Variants in ADCYAP1R1 observed in about 807,000 individuals in gnomAD.
ADCYAP1R1 encodes ADCYAP receptor type I.
ADCYAP1R1 carries 44 observed loss-of-function variants against 67.6 expected under a neutral mutation model. The ratio of observed to expected loss-of-function variants is 0.65; its 90% CI spans 0.51 to 0.84. The LOEUF is 0.84. ADCYAP1R1 is among the 40% of genes least tolerant of loss of function. The pLI, the probability that ADCYAP1R1 is intolerant of heterozygous loss-of-function variation, is 0.00. For synonymous variants in ADCYAP1R1, 222 were observed against 219.6 expected (o/e 1.01, Z -0.10); for missense variants, 477 against 587.9 (o/e 0.81, Z 1.95).
At chr7:31,067,199 C>T (rs537354740) in intron 3 of ADCYAP1R1, among the ~76,000 whole-genome samples, 6 of 152,296 alleles carry the variant, frequency 3.9e-5, no homozygotes, top group African/African-American at 1.4e-4. Flanking sequence ...GAGGAGGCTG[C>T]ACCCTCTCAC....
chr7:31,078,032 G>A lies in ADCYAP1R1; in HGVS notation c.199G>A (p.Ala67Thr), dbSNP rs140775607. ...MWDNITCWKP[A>T]HVGEMVLVSC... Reference sequence around the variant, plus strand: ...GGACAACATCACGTGTTGGAAGCCCGCCCATGTGGGTGAGATGGTCCTGGT... The same window carrying A: ...GGACAACATCACGTGTTGGAAGCCCACCCATGTGGGTGAGATGGTCCTGGT... Residue 67 changes from alanine (A) to threonine (T), a missense_variant, in exon 4 of 16, where the codon GCC (alanine) becomes ACC (threonine). Transcript: ENST00000304166. 206 of 1,613,112 alleles carry A rather than the reference G, an allele frequency of 1.3e-4. No homozygotes were observed. The highest frequency in any genetic ancestry group is 1.5e-4 in the Non-Finnish European group (181 of 1,179,458).
chr7:31,071,558 C>G (rs554448972), intron 3 of ADCYAP1R1, among the ~76,000 whole-genome samples: 12 of 152,198 alleles, frequency 7.9e-5, no homozygotes, highest in Non-Finnish European at 1.8e-4. Context: ...CGGCCATCTC[C>G]TCCCTGAAAC....
At chr7:31,103,128 C>T (rs1796502972) in intron 13 of ADCYAP1R1, 109 bp from the exon 14 acceptor site, 2 of 1,474,454 alleles carry the variant, frequency 1.4e-6, no homozygotes, top group Non-Finnish European at 1.8e-6. Flanking sequence ...GGACACGGGC[C>T]CCAGCTTGGA....
At chr7:31,058,341 G>T (rs1299360918) in intron 1 of ADCYAP1R1, among the ~76,000 whole-genome samples, 2 of 152,220 alleles carry the variant, frequency 1.3e-5, no homozygotes, top group Admixed American at 1.3e-4. Flanking sequence ...TCCTGTGTGT[G>T]CAGGGGCCAC....
chr7:31,101,712 G>A (rs1489019324), intron 13 of ADCYAP1R1, among the ~76,000 whole-genome samples: 2 of 152,212 alleles, frequency 1.3e-5, no homozygotes, highest in Admixed American at 6.5e-5. Flanking sequence ...AAGTAGGCCT[G>A]TGTGCCACAT....
chr7:31,093,822 G>A (rs1320333156), intron 13 of ADCYAP1R1, among the ~76,000 whole-genome samples: 3 of 152,146 alleles, frequency 2.0e-5, no homozygotes, highest in South Asian at 2.1e-4. Flanking sequence ...TGGCTGCCCA[G>A]TAGATGACAA....
chr7:31,060,712 GAGAA>G (rs1466499045), intron 1 of ADCYAP1R1, among the ~76,000 whole-genome samples: 3 of 152,052 alleles, frequency 2.0e-5, no homozygotes, highest in African/African-American at 4.8e-5. Context: ...GAGAGAGAGA[GAGAA>G]AGAGAGAGAA....
intron 11 of ADCYAP1R1, 31 bp from the exon 12 acceptor site, chr7:31,087,596 G>T: frequency 6.2e-7 from 1 of 1,608,872 alleles, no homozygotes; most frequent in Non-Finnish European, 8.5e-7. Flanking sequence ...ACTCACAGAC[G>T]TGATCTTGCT....
chr7:31,087,070 C>A, intron 11 of ADCYAP1R1, 67 bp downstream of exon 11: 1 of 1,552,168 alleles, frequency 6.4e-7, no homozygotes, highest in Non-Finnish European at 8.9e-7. Flanking sequence ...TTCTCAGTAG[C>A]TGCCCTGACT....
intron 1 of ADCYAP1R1, among the ~76,000 whole-genome samples, chr7:31,060,542 G>A (rs1182842563): frequency 6.6e-6 from 1 of 151,812 alleles, no homozygotes; most frequent in Non-Finnish European, 1.5e-5. Context: ...GTCCCTGAAG[G>A]AATCTCCACC....
At chr7:31,087,546 A>T in intron 11 of ADCYAP1R1, 81 bp from the exon 12 acceptor site, 1 of 1,309,916 alleles carries the variant, frequency 7.6e-7, no homozygotes, top group Non-Finnish European at 1.1e-6. Flanking sequence ...TCGGGCACCC[A>T]GCTAGGCAGG....
chr7:31,081,499 C>T (rs553752430), intron 5 of ADCYAP1R1, among the ~76,000 whole-genome samples: 50 of 152,210 alleles, frequency 3.3e-4, no homozygotes, highest in African/African-American at 1.1e-3. Flanking sequence ...CCATCCTGAA[C>T]GTCACAGAAA....
intron 13 of ADCYAP1R1, among the ~76,000 whole-genome samples, chr7:31,097,817 G>A (rs564260676): frequency 2.6e-5 from 4 of 152,120 alleles, no homozygotes; most frequent in Admixed American, 2.6e-4. Flanking sequence ...ATACAGTTGG[G>A]GGGGGGTCTC....
chr7:31,094,466 C>A (rs779682576), intron 13 of ADCYAP1R1, among the ~76,000 whole-genome samples: 4 of 152,126 alleles, frequency 2.6e-5, no homozygotes, highest in Non-Finnish European at 4.4e-5. Context: ...ATATTTGAAG[C>A]TGGCAGGGAG....
chr7:31,079,847 T>C lies in ADCYAP1R1; in HGVS notation c.266-766T>C, dbSNP rs142804774. On this transcript the variant is annotated intron_variant, in intron 4 of 15. Coordinates refer to ENST00000304166, the MANE Select transcript of ADCYAP1R1 (RefSeq NM_001118.5). ...GTGACCTGAGCAGTCCAGAGTGAATTTTGAAAGGGGATACAGGCAGCGGAA... is the reference window on the plus strand; with the variant it reads ...GTGACCTGAGCAGTCCAGAGTGAATCTTGAAAGGGGATACAGGCAGCGGAA... 3.9e-3 allele frequency among the ~76,000 whole-genome samples: 588 copies of C among 152,260 alleles called. 5 individuals are homozygous for C. The highest frequency in any genetic ancestry group is 0.013 in the African/African-American group (556 of 41,550).
rs1795798833 is a variant in ADCYAP1R1 at position 31,087,504 on chromosome 7, C to T, written c.885-123C>T. The T allele has an allele frequency of 1.1e-5, 9 of 817,334 alleles. No homozygotes were observed. The South Asian group carries it at 1.2e-4, about 11-fold the overall frequency. 50.6% of individuals were successfully genotyped at this position (817,334 alleles called of 1,614,324 possible). On this transcript the variant is annotated intron_variant, in intron 11 of 15. Coordinates refer to ENST00000304166, the MANE Select transcript of ADCYAP1R1 (RefSeq NM_001118.5). ...GCTGGAGAGCTCTTGTTCCAGCCAG[C>T]CCCTCCTCAGAGAGCTGCGGTGGTG...
chr7:31,090,494 A>G (rs531415970), intron 12 of ADCYAP1R1, among the ~76,000 whole-genome samples: 3 of 152,300 alleles, frequency 2.0e-5, no homozygotes, highest in East Asian at 3.9e-4. Context: ...TGCTGAAGTT[A>G]TGGGTACAAT....
intron 3 of ADCYAP1R1, among the ~76,000 whole-genome samples, chr7:31,067,799 G>C (rs902444058): frequency 1.3e-5 from 2 of 152,202 alleles, no homozygotes; most frequent in African/African-American, 4.8e-5. Context: ...ATTGCATTAA[G>C]TGATAAAAGC....
In ADCYAP1R1 at chr7:31,104,855, T is replaced by C; in HGVS notation, c.1177-13T>C. On this transcript the variant is annotated splice_polypyrimidine_tract_variant and intron_variant, in intron 14 of 15. Transcript: ENST00000304166. The stretch of plus-strand genomic sequence containing the variant: ...TTTGCTAGCATCCTCAGGCTTATTT[T>C]CTCTATTCCCAGGGCTTTGTGGTGG... The C allele has an allele frequency of 3.1e-6, 5 of 1,614,162 alleles. No homozygotes were observed. The highest frequency in any genetic ancestry group is 4.2e-6 in the Non-Finnish European group (5 of 1,179,998).
Sources: gnomAD v4.1 joint callset for allele counts (sites outside exome capture counted in the v4.1 genomes callset) on GRCh38, gnomAD v4.1.1 for gene constraint, MANE v1.5 for transcripts, NCBI Gene and HGNC (gene_info 2026-07-23, HGNC 2026-07-21) for gene names.